The following UMAD1 variants were observed in gnomAD, a reference collection of about 807,000 sequenced individuals.
The protein encoded by UMAD1 is UBAP1-MVB12-associated (UMA)-domain containing protein 1.
Under a neutral mutation model 6.1 loss-of-function variants are expected in UMAD1, and 8 were observed. The observed-to-expected ratio is 1.30, with a 90% confidence interval of 0.76 to 2.35. The LOEUF (loss-of-function observed/expected upper bound fraction) is 2.35. UMAD1 is among the 30% of genes most tolerant of loss of function. UMAD1 has a pLI of 0.00. For missense variants in UMAD1, 130 were observed against 78.4 expected (o/e 1.66, Z -2.49); for synonymous variants, 56 against 31.4 (o/e 1.78, Z -2.61).
intron 3 of UMAD1, among the ~76,000 whole-genome samples, chr7:7,857,967 T>C (rs1243605503): frequency 6.6e-6 from 1 of 152,238 alleles, no homozygotes; most frequent in East Asian, 1.9e-4. Context: ...AATGTCCTTA[T>C]ACTCTGTTGG....
At chr7:7,656,493 T>A (rs1785346627) in intron 1 of UMAD1, among the ~76,000 whole-genome samples, 1 of 152,124 alleles carries the variant, frequency 6.6e-6, no homozygotes, top group African/African-American at 2.4e-5. Flanking sequence ...CAGGCCCCAG[T>A]GTGTGATGTT....
intron 2 of UMAD1, among the ~76,000 whole-genome samples, chr7:7,710,176 A>T (rs893508892): frequency 6.6e-6 from 1 of 152,160 alleles, no homozygotes; most frequent in East Asian, 1.9e-4. Flanking sequence ...CACAATTTAT[A>T]TATCTGTTCT....
At chr7:7,756,914 C>T (rs895621085) in intron 2 of UMAD1, among the ~76,000 whole-genome samples, 1 of 152,180 alleles carries the variant, frequency 6.6e-6, no homozygotes, top group African/African-American at 2.4e-5. Flanking sequence ...TCCTGGGAGT[C>T]TTTGGCACTG....
intron 2 of UMAD1, among the ~76,000 whole-genome samples, chr7:7,699,165 A>T (rs1469062374): frequency 1.3e-5 from 2 of 151,960 alleles, no homozygotes; most frequent in Non-Finnish European, 2.9e-5. Flanking sequence ...GGTTCCCCCA[A>T]CTCTCAAGGG....
chr7:7,758,278 T>C (rs1447031233), intron 2 of UMAD1, among the ~76,000 whole-genome samples: 1 of 152,126 alleles, frequency 6.6e-6, no homozygotes, highest in African/African-American at 2.4e-5. Flanking sequence ...TTTCCCTTTT[T>C]CTCACGTAGC....
At chr7:7,788,154 A>G (rs1782494911) in intron 2 of UMAD1, among the ~76,000 whole-genome samples, 1 of 152,226 alleles carries the variant, frequency 6.6e-6, no homozygotes. Context: ...AACAACAACT[A>G]TTAAACAAGG....
chr7:7,878,371 C>T lies in UMAD1; in HGVS notation c.*833C>T, dbSNP rs1390636983. 6.6e-6 allele frequency: 1 copy of T among 152,168 alleles called. No homozygotes were observed. The highest frequency in any genetic ancestry group is 1.5e-5 in the Non-Finnish European group (1 of 68,042). 9.4% of individuals were successfully genotyped at this position (152,168 alleles called of 1,614,324 possible). A position where few individuals can be genotyped will look rare whatever the true frequency, so the allele number is the denominator to read the frequency against. On this transcript the variant is annotated 3_prime_UTR_variant, in exon 4 of 4. Transcript: ENST00000682710. ...TGAAGAAAAACATCTCATGATGATA[C>T]ATATTATTGCTGATAACACCCTTAT...
intron 1 of UMAD1, among the ~76,000 whole-genome samples, chr7:7,662,595 G>T (rs1785503311): frequency 6.6e-6 from 1 of 152,152 alleles, no homozygotes; most frequent in Non-Finnish European, 1.5e-5. Flanking sequence ...TATGCCTCCT[G>T]GGTGAGGCGA....
intron 2 of UMAD1, among the ~76,000 whole-genome samples, chr7:7,724,767 T>C (rs570266897): frequency 1.3e-5 from 2 of 152,374 alleles, no homozygotes; most frequent in Non-Finnish European, 2.9e-5. Flanking sequence ...TGATACCTGG[T>C]ATGCAGCCAT....
chr7:7,789,177 G>A (rs536661997), intron 2 of UMAD1, among the ~76,000 whole-genome samples: 3 of 151,940 alleles, frequency 2.0e-5, no homozygotes, highest in Non-Finnish European at 4.4e-5. Flanking sequence ...TTATTTTTTT[G>A]CTGCAAGGCA....
intron 2 of UMAD1, among the ~76,000 whole-genome samples, chr7:7,712,567 C>G (rs1381091616): frequency 6.6e-6 from 1 of 152,124 alleles, no homozygotes; most frequent in Non-Finnish European, 1.5e-5. Flanking sequence ...TATTTACTTC[C>G]CATAATTCAT....
At chr7:7,779,502 C>G (rs575478214) in intron 2 of UMAD1, among the ~76,000 whole-genome samples, 27 of 152,264 alleles carry the variant, frequency 1.8e-4, no homozygotes, top group Non-Finnish European at 3.5e-4. Flanking sequence ...AAATCTTGGC[C>G]TTAAGTGATC....
At chr7:7,753,001 G>A (rs892322544) in intron 2 of UMAD1, among the ~76,000 whole-genome samples, 2 of 152,050 alleles carry the variant, frequency 1.3e-5, no homozygotes, top group Non-Finnish European at 2.9e-5. Flanking sequence ...TTATTATGTA[G>A]CATACATATT....
rs1184912964 is a variant in UMAD1 at position 7,804,691 on chromosome 7, C to A, written c.156+2948C>A. ...CCATCTCCAAAAATAAAATAAAATA[C>A]AAAAATGAGGCCGGGTGCGGTGGCT... On this transcript the variant is annotated intron_variant, in intron 3 of 3. Transcript: ENST00000682710. 2.0e-5 allele frequency among the ~76,000 whole-genome samples: 3 copies of A among 151,596 alleles called. No homozygotes were observed. The East Asian group carries it at 5.8e-4, about 29-fold the overall frequency.
rs528841176 is a variant in UMAD1 at position 7,731,357 on chromosome 7, G to T, written c.82+57904G>T. On this transcript the variant is annotated intron_variant, in intron 2 of 3. Transcript: ENST00000682710. ...AGTAGTGCAGGGCATGGTCTGTAAAGGAAACAGGTTAGAGGACATTTGGAA... is the reference window on the plus strand; with the variant it reads ...AGTAGTGCAGGGCATGGTCTGTAAATGAAACAGGTTAGAGGACATTTGGAA... 3.9e-5 allele frequency among the ~76,000 whole-genome samples: 6 copies of T among 152,166 alleles called. No homozygotes were observed. The South Asian group carries it at 1.2e-3, about 32-fold the overall frequency.
chr7:7,695,439 AT>A (rs28912704), intron 2 of UMAD1, among the ~76,000 whole-genome samples: 17 of 152,016 alleles, frequency 1.1e-4, no homozygotes, highest in Admixed American at 2.0e-4. Flanking sequence ...TAATACGTTG[AT>A]TTTTTTTACT....
Position 7,801,734 on chromosome 7 carries a change from A to G in UMAD1, c.147A>G (p.Gln49=), listed in dbSNP as rs899616277. 5.6e-6 allele frequency: 4 copies of G among 717,936 alleles called. No individual in the cohort carries two copies. The highest frequency in any genetic ancestry group is 1.0e-5 in the Non-Finnish European group (4 of 385,208). 44.5% of individuals were successfully genotyped at this position (717,936 alleles called of 1,614,324 possible). ...RGKTSDIEAN[Q]PLETNKENSS... ...AAACTTCGGACATAGAGGCCAACCAACCTTTGGAGGTAAGTGAAACAGAGT... is the reference window on the plus strand; with the variant it reads ...AAACTTCGGACATAGAGGCCAACCAGCCTTTGGAGGTAAGTGAAACAGAGT... The change falls in exon 3 of 4, where the codon CAA becomes CAG. Residue 49 remains glutamine, a synonymous_variant. Coordinates refer to ENST00000682710, the MANE Select transcript of UMAD1 (RefSeq NM_001302348.2).
chr7:7,873,239 G>A (rs756600568), intron 3 of UMAD1, among the ~76,000 whole-genome samples: 4 of 152,274 alleles, frequency 2.6e-5, no homozygotes, highest in East Asian at 1.9e-4. Context: ...ACCAAGCAGC[G>A]TGGTTCTGGA....
chr7:7,873,968 A>C (rs1194678222), intron 3 of UMAD1, among the ~76,000 whole-genome samples: 1 of 152,126 alleles, frequency 6.6e-6, no homozygotes, highest in East Asian at 1.9e-4. Flanking sequence ...GCAGATTCAA[A>C]TTATATCCCC....
Sources: allele counts gnomAD v4.1 joint callset (sites outside exome capture counted in the v4.1 genomes callset), GRCh38; gene constraint gnomAD v4.1.1; transcripts MANE v1.5; gene names NCBI Gene and HGNC (gene_info 2026-07-23, HGNC 2026-07-21).